Variants in EXOC6B observed in about 807,000 individuals in gnomAD.
EXOC6B encodes the protein exocyst complex component 6B, also known as SEC15 homolog B.
Under a neutral mutation model 113.5 loss-of-function variants are expected in EXOC6B, and 54 were observed. That is an observed-to-expected ratio of 0.48 (90% CI 0.38 to 0.60). The LOEUF (loss-of-function observed/expected upper bound fraction) is 0.60. EXOC6B is among the 20% of genes least tolerant of loss of function. EXOC6B has a pLI of 0.00. For synonymous variants in EXOC6B, 357 were observed against 339.0 expected, an observed-to-expected ratio of 1.05 and a Z score of -0.58; for missense variants, 797 against 977.5, an observed-to-expected ratio of 0.82 and a Z score of 2.46.
intron 20 of EXOC6B, among the ~76,000 whole-genome samples, chr2:72,185,809 T>C (rs187749006): frequency 0.013 from 1,966 of 151,870 alleles, 41 homozygotes; most frequent in African/African-American, 0.044. Context: ...TTGTTACATA[T>C]GTATACATGT....
chr2:72,427,864 T>C (rs541267704), intron 18 of EXOC6B, among the ~76,000 whole-genome samples: 8 of 152,182 alleles, frequency 5.3e-5, no homozygotes, highest in South Asian at 4.2e-4. Context: ...CATGGACCAA[T>C]TGGCACACAC....
At chr2:72,450,455 T>C (rs900528923) in intron 18 of EXOC6B, among the ~76,000 whole-genome samples, 5 of 152,148 alleles carry the variant, frequency 3.3e-5, no homozygotes, top group African/African-American at 1.2e-4. Context: ...TCACATTATT[T>C]TAAAAAGTAA....
intron 17 of EXOC6B, among the ~76,000 whole-genome samples, chr2:72,470,644 T>G (rs1698345459): frequency 8.6e-6 from 1 of 116,536 alleles, no homozygotes. Flanking sequence ...CAGGCCCCGG[T>G]GTGTGATGTT....
chr2:72,650,824 T>C (rs1345511709), intron 6 of EXOC6B, among the ~76,000 whole-genome samples: 1 of 150,808 alleles, frequency 6.6e-6, no homozygotes, highest in East Asian at 1.9e-4. Flanking sequence ...TCCTTCGACA[T>C]AGCTGATAGG....
intron 6 of EXOC6B, among the ~76,000 whole-genome samples, chr2:72,637,995 A>C (rs1432664020): frequency 6.6e-6 from 1 of 152,150 alleles, no homozygotes; most frequent in Non-Finnish European, 1.5e-5. Flanking sequence ...TAGAAAATAA[A>C]AAATAAAAAT....
intron 18 of EXOC6B, among the ~76,000 whole-genome samples, chr2:72,443,284 C>T: frequency 6.8e-6 from 1 of 147,358 alleles, no homozygotes. Context: ...GATCGCGCCA[C>T]TGCACTCCAG....
intron 20 of EXOC6B, among the ~76,000 whole-genome samples, chr2:72,244,674 T>C (rs976746277): frequency 6.6e-6 from 1 of 152,058 alleles, no homozygotes; most frequent in South Asian, 2.1e-4. Context: ...GAAGAAAAGA[T>C]TGAAGACACA....
At position 72,598,423 on chromosome 2, in the gene EXOC6B, A is replaced by AG. The variant is rs138579207; in HGVS notation, c.670-22756dup. 6.0e-3 allele frequency among the ~76,000 whole-genome samples: 909 copies of AG among 152,186 alleles called. 4 individuals carry two copies. The highest frequency in any genetic ancestry group is 0.013 in the South Asian group (64 of 4,820). On this transcript the variant is annotated intron_variant, in intron 6 of 21. Coordinates refer to ENST00000272427, the MANE Select transcript of EXOC6B (RefSeq NM_015189.3). ...GGTATAGAGCAGAAACAGTGCTTACAGGGGAATTTATAGCATTGAATGCAT... is the reference window on the plus strand; with the variant it reads ...GGTATAGAGCAGAAACAGTGCTTACAGGGGGAATTTATAGCATTGAATGCAT...
chr2:72,477,162 T>C (rs1698802282), intron 17 of EXOC6B, among the ~76,000 whole-genome samples: 1 of 152,226 alleles, frequency 6.6e-6, no homozygotes, highest in Non-Finnish European at 1.5e-5. Flanking sequence ...TCTAAATTTT[T>C]ATCTCTAGCT....
chr2:72,618,506 T>C (rs1671542008), intron 6 of EXOC6B, among the ~76,000 whole-genome samples: 3 of 152,228 alleles, frequency 2.0e-5, no homozygotes, highest in Admixed American at 6.5e-5. Context: ...ACTCCTTTTT[T>C]CATATAGCAC....
chr2:72,339,936 A>G (rs541647236), intron 19 of EXOC6B, among the ~76,000 whole-genome samples: 1 of 152,148 alleles, frequency 6.6e-6, no homozygotes, highest in Non-Finnish European at 1.5e-5. Flanking sequence ...ATTTTTAAAA[A>G]CTATTAATTT....
intron 6 of EXOC6B, among the ~76,000 whole-genome samples, chr2:72,589,998 C>T (rs1405632473): frequency 6.6e-6 from 1 of 151,904 alleles, no homozygotes; most frequent in Non-Finnish European, 1.5e-5. Flanking sequence ...TGAAGGAAGC[C>T]AATTTTTAGC....
chr2:72,250,981 A>G lies in EXOC6B; in HGVS notation c.2197-66794T>C, dbSNP rs114382273. 2.9e-3 allele frequency among the ~76,000 whole-genome samples: 432 copies of G among 151,184 alleles called. 1 individual carries two copies. Among genetic ancestry groups the G allele is most frequent in the Non-Finnish European group, 5.1e-3 (346 of 67,706 alleles). On this transcript the variant is annotated intron_variant, in intron 20 of 21. Transcript: ENST00000272427. ...GCCTCTGGAGTAGCTGGGTTAGTTG[A>G]GTAGTTGGCTAATTTTGTGTATTTT...
At chr2:72,485,066 C>T (rs1039914706) in intron 16 of EXOC6B, among the ~76,000 whole-genome samples, 1 of 152,158 alleles carries the variant, frequency 6.6e-6, no homozygotes, top group Non-Finnish European at 1.5e-5. Flanking sequence ...AATGGGTGAA[C>T]TAATTTACAT....
At chr2:72,317,094 T>G (rs1407546029) in intron 20 of EXOC6B, among the ~76,000 whole-genome samples, 1 of 151,674 alleles carries the variant, frequency 6.6e-6, no homozygotes, top group Admixed American at 6.6e-5. Flanking sequence ...TTTTGTTTTA[T>G]GGGCAAGAGA....
intron 1 of EXOC6B, among the ~76,000 whole-genome samples, chr2:72,796,321 C>T (rs1397463504): frequency 4.0e-5 from 6 of 151,414 alleles, no homozygotes; most frequent in South Asian, 2.1e-4. Flanking sequence ...GGTGTGGTGG[C>T]GAGTGCTTGT....
chr2:72,367,836 A>G (rs1690732299), intron 19 of EXOC6B, among the ~76,000 whole-genome samples: 1 of 152,092 alleles, frequency 6.6e-6, no homozygotes. Flanking sequence ...CCACACATGG[A>G]GGGAACATTT....
chr2:72,264,397 C>G (rs1683920430), intron 20 of EXOC6B, among the ~76,000 whole-genome samples: 1 of 151,998 alleles, frequency 6.6e-6, no homozygotes, highest in African/African-American at 2.4e-5. Context: ...ATGGTGAAAC[C>G]CCGTCTCTAC....
chr2:72,756,189 C>T (rs997231108), intron 1 of EXOC6B, among the ~76,000 whole-genome samples: 5 of 152,068 alleles, frequency 3.3e-5, no homozygotes, highest in African/African-American at 1.2e-4. Context: ...AAACATCAGT[C>T]CCATGCCAAA....
Sources: gnomAD v4.1 joint callset for allele counts (sites outside exome capture counted in the v4.1 genomes callset) on GRCh38, gnomAD v4.1.1 for gene constraint, MANE v1.5 for transcripts, NCBI Gene and HGNC (gene_info 2026-07-23, HGNC 2026-07-21) for gene names.